The following GRID2 variants were observed in gnomAD, a reference collection of about 807,000 sequenced individuals.
The protein encoded by GRID2 is glutamate receptor ionotropic, delta-2.
Under a neutral mutation model 114.8 loss-of-function variants are expected in GRID2, and 33 were observed. The observed-to-expected ratio is 0.29, with a 90% CI of 0.22 to 0.38. The LOEUF (loss-of-function observed/expected upper bound fraction) is 0.38. Ranked by LOEUF, GRID2 falls within the 10% of genes least tolerant of loss-of-function variation. The pLI is 1.00. For synonymous variants in GRID2, 505 were observed against 449.9 expected, an observed-to-expected ratio of 1.12 and a Z score of -1.55; for missense variants, 1,184 against 1,257.7, an observed-to-expected ratio of 0.94 and a Z score of 0.89.
intron 1 of GRID2, among the ~76,000 whole-genome samples, chr4:92,511,544 A>G (rs1450065747): frequency 6.6e-6 from 1 of 151,932 alleles, no homozygotes; most frequent in Non-Finnish European, 1.5e-5. Context: ...CTTTCAGGAA[A>G]CCTGGAATAT....
chr4:92,765,684 C>G (rs1242146917), intron 2 of GRID2, among the ~76,000 whole-genome samples: 1 of 152,174 alleles, frequency 6.6e-6, no homozygotes, highest in Middle Eastern at 3.2e-3. Context: ...TATGGCACTG[C>G]TAATGTACCT....
chr4:93,327,260 G>T (rs1222078760), intron 8 of GRID2, among the ~76,000 whole-genome samples: 1 of 152,096 alleles, frequency 6.6e-6, no homozygotes, highest in Non-Finnish European at 1.5e-5. Flanking sequence ...CTTCCTAGAA[G>T]TTTATAAAAC....
intron 2 of GRID2, among the ~76,000 whole-genome samples, chr4:92,813,804 G>A (rs1740759673): frequency 6.6e-6 from 1 of 152,106 alleles, no homozygotes; most frequent in Admixed American, 6.6e-5. Context: ...AACGTATTTT[G>A]AGGTGAAAAT....
chr4:92,912,522 C>T (rs940366328), intron 2 of GRID2, among the ~76,000 whole-genome samples: 21 of 151,762 alleles, frequency 1.4e-4, no homozygotes, highest in Admixed American at 1.2e-3. Context: ...TAAAAGATAC[C>T]TTATTCCATA....
At chr4:92,514,055 G>A (rs1724383044) in intron 1 of GRID2, among the ~76,000 whole-genome samples, 2 of 151,784 alleles carry the variant, frequency 1.3e-5, no homozygotes, top group East Asian at 3.9e-4. Flanking sequence ...CAATGGGCAG[G>A]CATTTCTCAG....
At chr4:92,523,544 G>T (rs183376721) in intron 1 of GRID2, among the ~76,000 whole-genome samples, 240 of 152,166 alleles carry the variant, frequency 1.6e-3, no homozygotes, top group Non-Finnish European at 2.4e-3. Context: ...ACATGTGAAA[G>T]AAATTATAGA....
chr4:93,446,239 A>G (rs1166166807), intron 10 of GRID2, among the ~76,000 whole-genome samples: 2 of 152,008 alleles, frequency 1.3e-5, no homozygotes, highest in African/African-American at 4.8e-5. Flanking sequence ...TGGCACAGCA[A>G]GATAGATGGC....
intron 1 of GRID2, among the ~76,000 whole-genome samples, chr4:92,315,993 C>CAAAAAAAAAAAAAAAAAAAAAGAA (rs1725955898): frequency 3.2e-5 from 2 of 61,880 alleles, no homozygotes; most frequent in Non-Finnish European, 6.2e-5. Flanking sequence ...AAACAAAAAG[C>CAAAAAAAAAAAAAAAAAAAAAGAA]AAAAAAAAAA....
chr4:92,442,293 T>C (rs1030216701), intron 1 of GRID2, among the ~76,000 whole-genome samples: 11 of 152,054 alleles, frequency 7.2e-5, no homozygotes, highest in Admixed American at 2.6e-4. Flanking sequence ...TTCCAGGGGC[T>C]CTGAGAGTGG....
At chr4:93,390,543 C>G (rs116374617) in intron 8 of GRID2, among the ~76,000 whole-genome samples, 1 of 152,070 alleles carries the variant, frequency 6.6e-6, no homozygotes, top group Non-Finnish European at 1.5e-5. Context: ...CAACAGCACA[C>G]GCAAAGTAAG....
At chr4:92,860,005 G>A (rs1180387470) in intron 2 of GRID2, among the ~76,000 whole-genome samples, 1 of 152,136 alleles carries the variant, frequency 6.6e-6, no homozygotes, top group Non-Finnish European at 1.5e-5. Context: ...CTCTAGCTGA[G>A]AACCACTGAC....
chr4:92,394,067 G>A (rs190160890), intron 1 of GRID2, among the ~76,000 whole-genome samples: 17 of 152,116 alleles, frequency 1.1e-4, no homozygotes, highest in African/African-American at 3.4e-4. Context: ...TCACTGAGTC[G>A]GCAGAAATGC....
chr4:92,339,433 T>C (rs1727358659), intron 1 of GRID2, among the ~76,000 whole-genome samples: 2 of 152,142 alleles, frequency 1.3e-5, no homozygotes, highest in Admixed American at 1.3e-4. Flanking sequence ...TTCGTCATTG[T>C]AGTAGTATTC....
chr4:93,094,746 T>G (rs2149333112), intron 3 of GRID2, among the ~76,000 whole-genome samples: 1 of 152,104 alleles, frequency 6.6e-6, no homozygotes, highest in South Asian at 2.1e-4. Context: ...TTAAACCTAA[T>G]TAGTATCTAT....
intron 1 of GRID2, among the ~76,000 whole-genome samples, chr4:92,532,354 T>C (rs551220697): frequency 6.6e-6 from 1 of 152,272 alleles, no homozygotes; most frequent in Admixed American, 6.5e-5. Context: ...TATACTGAGC[T>C]GTAAAAATTA....
At chr4:92,950,994 T>A (rs914077494) in intron 2 of GRID2, among the ~76,000 whole-genome samples, 1 of 152,198 alleles carries the variant, frequency 6.6e-6, no homozygotes, top group Non-Finnish European at 1.5e-5. Context: ...TCCTTTCCTG[T>A]TAGAAAAATC....
intron 10 of GRID2, among the ~76,000 whole-genome samples, chr4:93,442,448 A>G (rs1721708515): frequency 6.6e-6 from 1 of 152,068 alleles, no homozygotes; most frequent in Non-Finnish European, 1.5e-5. Context: ...TTCTAATGCT[A>G]CTGTAATTTA....
chr4:93,682,998 G>A (rs534796578), intron 14 of GRID2, among the ~76,000 whole-genome samples: 3 of 151,276 alleles, frequency 2.0e-5, no homozygotes, highest in African/African-American at 7.3e-5. Context: ...AAAAACCCTA[G>A]GTTAAAAACT....
intron 4 of GRID2, among the ~76,000 whole-genome samples, chr4:93,116,220 G>T (rs572302603): frequency 6.6e-6 from 1 of 152,142 alleles, no homozygotes; most frequent in Admixed American, 6.6e-5. Flanking sequence ...AGTTGTAAAA[G>T]TTCGTTCACT....
Sources: gnomAD v4.1 joint callset for allele counts (sites outside exome capture counted in the v4.1 genomes callset) on GRCh38, gnomAD v4.1.1 for gene constraint, MANE v1.5 for transcripts, NCBI Gene and HGNC (gene_info 2026-07-23, HGNC 2026-07-21) for gene names.